Variants in SUGP1 observed in about 807,000 individuals in gnomAD.
The protein encoded by SUGP1 is SURP and G-patch domain containing 1, also known as SURP and G-patch domain-containing protein 1.
Under a neutral mutation model 76.5 loss-of-function variants are expected in SUGP1, and 34 were observed. The observed-to-expected ratio is 0.44, with a 90% CI of 0.34 to 0.59. SUGP1 has a LOEUF of 0.59. SUGP1 is among the 20% of genes least tolerant of loss of function. The pLI is 0.01. For missense variants in SUGP1, 752 were observed against 851.7 expected (o/e 0.88, Z 1.46); for synonymous variants, 326 against 326.2 (o/e 1.00, Z 0.01).
rs766703026 is a variant in SUGP1 at position 19,318,460 on chromosome 19, G to A, written c.35-1867C>T. ...TTTTGTTTTTTTGAGACAGGGTCTCGCTGAGTTGCCCAGGCAGGAGTGCAG... is the reference window on the plus strand; with the variant it reads ...TTTTGTTTTTTTGAGACAGGGTCTCACTGAGTTGCCCAGGCAGGAGTGCAG... On this transcript the variant is annotated intron_variant, in intron 1 of 13. Coordinates refer to ENST00000247001, the MANE Select transcript of SUGP1 (RefSeq NM_172231.4). 2.6e-5 allele frequency among the ~76,000 whole-genome samples: 4 copies of A among 151,624 alleles called. 1 individual carries two copies. Among genetic ancestry groups the A allele is most frequent in the South Asian group, 4.2e-4 (2 of 4,778 alleles).
chr19:19,289,699 G>A (rs191514711), intron 8 of SUGP1, among the ~76,000 whole-genome samples: 2 of 152,248 alleles, frequency 1.3e-5, no homozygotes, highest in African/African-American at 2.4e-5. Context: ...AATGAGCCGA[G>A]ATAGTGCCAC....
chr19:19,313,857 G>A (rs2061370300), intron 2 of SUGP1, among the ~76,000 whole-genome samples: 1 of 152,064 alleles, frequency 6.6e-6, no homozygotes, highest in Admixed American at 6.6e-5. Context: ...CAAAAAAATG[G>A]CCGGGCTCAG....
intron 3 of SUGP1, 75 bp from the exon 4 acceptor site, chr19:19,306,151 C>T: frequency 7.3e-7 from 1 of 1,378,490 alleles, no homozygotes. Flanking sequence ...AACCTAGGTG[C>T]TGTGGGCCCC....
At chr19:19,295,844 T>C (rs895464392) in intron 8 of SUGP1, among the ~76,000 whole-genome samples, 5 of 151,944 alleles carry the variant, frequency 3.3e-5, no homozygotes, top group Non-Finnish European at 5.9e-5. Context: ...TACTCGAACA[T>C]GGGTGACAGA....
intron 8 of SUGP1, among the ~76,000 whole-genome samples, chr19:19,294,453 A>G (rs2061209130): frequency 7.3e-6 from 1 of 137,278 alleles, no homozygotes; most frequent in Non-Finnish European, 1.5e-5. Flanking sequence ...GAGCTTGGGG[A>G]GGTCGAGGCT....
At chr19:19,290,837 G>A (rs1032002669) in intron 8 of SUGP1, among the ~76,000 whole-genome samples, 1 of 151,980 alleles carries the variant, frequency 6.6e-6, no homozygotes, top group Non-Finnish European at 1.5e-5. Context: ...AAAAGAAAGA[G>A]GCTGGGTGTG....
At chr19:19,311,742 A>G (rs2061354746) in intron 2 of SUGP1, among the ~76,000 whole-genome samples, 1 of 151,350 alleles carries the variant, frequency 6.6e-6, no homozygotes, top group Non-Finnish European at 1.5e-5. Flanking sequence ...AAAAAAAAAA[A>G]AAAAAAAGAA....
chr19:19,279,001 C>G (rs773114725), intron 10 of SUGP1, among the ~76,000 whole-genome samples: 2 of 152,182 alleles, frequency 1.3e-5, no homozygotes, highest in Non-Finnish European at 2.9e-5. Flanking sequence ...TCCACCCTCA[C>G]GATGTCAGGA....
chr19:19,304,801 TG>T (rs1480942958), intron 4 of SUGP1, among the ~76,000 whole-genome samples: 2 of 152,040 alleles, frequency 1.3e-5, no homozygotes, highest in Admixed American at 1.3e-4. Flanking sequence ...CTGCTGGGAA[TG>T]GGGGAGAGGT....
Position 19,277,888 on chromosome 19 carries a change from T to C in SUGP1, c.1636-9A>G, listed in dbSNP as rs201975725. 104 of 1,613,002 alleles carry C rather than the reference T, an allele frequency of 6.4e-5. No individual in the cohort carries two copies. In the African/African-American group the frequency reaches 1.1e-3, roughly 18 times the overall value. On this transcript the variant is annotated splice_polypyrimidine_tract_variant and intron_variant, in intron 11 of 13. Transcript: ENST00000247001. ...TCAGGCTCACGGCCCTCCTGCAAGG[T>C]GAGGAGGTAGCTGTCACCCACCAGG...
rs938458665 is a variant in SUGP1, at chr19:19,277,610, G to T, written c.1781+124C>A. 7 of 1,277,412 alleles carry T rather than the reference G, an allele frequency of 5.5e-6. No individual in the cohort carries two copies. In the Admixed American group the frequency reaches 1.5e-4, roughly 27 times the overall value. 79.1% of individuals were successfully genotyped at this position (1,277,412 alleles called of 1,614,324 possible). ...CTGTGCCTGACAAGGGGTGTGCAGTGGGGTGCTGTGATCATTTTGCCACAA... is the reference window on the plus strand; with the variant it reads ...CTGTGCCTGACAAGGGGTGTGCAGTTGGGTGCTGTGATCATTTTGCCACAA... On this transcript the variant is annotated intron_variant, in intron 12 of 13. Coordinates refer to ENST00000247001, the MANE Select transcript of SUGP1 (RefSeq NM_172231.4).
intron 8 of SUGP1, among the ~76,000 whole-genome samples, chr19:19,283,185 A>T (rs1161128242): frequency 6.6e-6 from 1 of 152,180 alleles, no homozygotes. Context: ...AGAAAGTTAA[A>T]CTTTATCAAA....
chr19:19,313,000 T>A (rs1183897746), intron 2 of SUGP1, among the ~76,000 whole-genome samples: 7 of 143,596 alleles, frequency 4.9e-5, no homozygotes, highest in South Asian at 2.2e-4. Context: ...AAAAAAAAAA[T>A]AAATAAATAA....
intron 3 of SUGP1, among the ~76,000 whole-genome samples, chr19:19,307,429 T>G (rs1468781362): frequency 2.0e-5 from 3 of 151,992 alleles, no homozygotes; most frequent in Non-Finnish European, 4.4e-5. Flanking sequence ...CAGAACTCAA[T>G]GAGATTTAGT....
chr19:19,304,056 G>T, intron 4 of SUGP1: 1 of 1,552,010 alleles, frequency 6.4e-7, no homozygotes, highest in South Asian at 1.2e-5. Context: ...AGGTGGGAGA[G>T]AAGTGTGTGA....
At chr19:19,297,720 C>T (rs1161549265) in intron 7 of SUGP1, among the ~76,000 whole-genome samples, 1 of 152,226 alleles carries the variant, frequency 6.6e-6, no homozygotes, top group African/African-American at 2.4e-5. Flanking sequence ...AGACACCAGA[C>T]ACGAGACAGG....
At chr19:19,288,375 T>A (rs1488339462) in intron 8 of SUGP1, among the ~76,000 whole-genome samples, 1 of 152,206 alleles carries the variant, frequency 6.6e-6, no homozygotes, top group African/African-American at 2.4e-5. Flanking sequence ...TTCTTCTAGC[T>A]TATTTTATTA....
chr19:19,280,241 C>G lies in SUGP1; in HGVS notation c.1294G>C (p.Val432Leu). ...GYEKGKPVGL[V>L]GVTELSDAQK... is the part of the protein sequence containing the mutation. ...GCGTCTGAAAGCTCTGTGACGCCCACTAGACCCACAGGCTTCCCCTTCTCA... is the reference window on the plus strand; with the variant it reads ...GCGTCTGAAAGCTCTGTGACGCCCAGTAGACCCACAGGCTTCCCCTTCTCA... Residue 432 changes from valine (V) to leucine (L), a missense_variant, in exon 9 of 14, where the codon GTG becomes CTG. Coordinates refer to ENST00000247001, the MANE Select transcript of SUGP1 (RefSeq NM_172231.4). 1 of 1,614,068 alleles carries G rather than the reference C, an allele frequency of 6.2e-7. No individual in the cohort carries two copies. Among genetic ancestry groups the G allele is most frequent in the Non-Finnish European group, 8.5e-7 (1 of 1,179,994 alleles).
intron 11 of SUGP1, among the ~76,000 whole-genome samples, chr19:19,278,261 C>CT (rs2061069487): frequency 6.6e-6 from 1 of 152,204 alleles, no homozygotes; most frequent in African/African-American, 2.4e-5. Flanking sequence ...ATGAGGTTAT[C>CT]AGGCCCTGAA....
Sources: gnomAD v4.1 joint callset for allele counts (sites outside exome capture counted in the v4.1 genomes callset) on GRCh38, gnomAD v4.1.1 for gene constraint, MANE v1.5 for transcripts, NCBI Gene and HGNC (gene_info 2026-07-23, HGNC 2026-07-21) for gene names.